The following LPP variants were observed in gnomAD, a reference collection of about 807,000 sequenced individuals.
The protein encoded by LPP is lipoma-preferred partner.
LPP carries 38 observed loss-of-function variants against 60.4 expected under a neutral mutation model. The ratio of observed to expected loss-of-function variants is 0.63; its 90% CI spans 0.49 to 0.83. The LOEUF (loss-of-function observed/expected upper bound fraction) is 0.83. Among genes scored for constraint, LPP ranks in the 40% least tolerant of loss-of-function variants. The pLI is 0.00. For missense variants in LPP, 902 were observed against 783.6 expected, an observed-to-expected ratio of 1.15 and a Z score of -1.80; for synonymous variants, 328 against 290.8, an observed-to-expected ratio of 1.13 and a Z score of -1.30.
Position 188,511,086 on chromosome 3 carries a change from G to GC in LPP, c.307-13573dup, listed in dbSNP as rs930148569. On this transcript the variant is annotated intron_variant, in intron 5 of 11. Coordinates refer to ENST00000617246, the MANE Select transcript of LPP (RefSeq NM_001375462.1). ...CCTTTCCTTTCTTTCTTCCCTCCCTGCCCCCCTCCCTCCCTCCCTCCTTCC... is the reference window on the plus strand; with the variant it reads ...CCTTTCCTTTCTTTCTTCCCTCCCTGCCCCCCCTCCCTCCCTCCCTCCTTCC... Among the ~76,000 whole-genome samples the GC allele has an allele frequency of 7.5e-3, 388 of 51,914 alleles. 4 individuals are homozygous for GC. The highest frequency in any genetic ancestry group is 0.03 in the African/African-American group (367 of 12,280). 34.1% of individuals were successfully genotyped at this position (51,914 alleles called of 152,430 possible). A position where few individuals can be genotyped will look rare whatever the true frequency, so the allele number is the denominator to read the frequency against.
chr3:188,697,146 T>C (rs1029102817), intron 7 of LPP, among the ~76,000 whole-genome samples: 3 of 152,224 alleles, frequency 2.0e-5, no homozygotes, highest in African/African-American at 4.8e-5. Context: ...TCGGTGTGTC[T>C]GTCAGAAGGT....
intron 9 of LPP, among the ~76,000 whole-genome samples, chr3:188,796,591 T>C (rs1289580654): frequency 6.6e-6 from 1 of 152,150 alleles, no homozygotes; most frequent in East Asian, 1.9e-4. Context: ...CTCCTCATCG[T>C]TTCCCAGAGC....
chr3:188,307,758 G>A (rs1428473005), intron 2 of LPP, among the ~76,000 whole-genome samples: 2 of 152,166 alleles, frequency 1.3e-5, no homozygotes, highest in Non-Finnish European at 2.9e-5. Context: ...TACATTCTTA[G>A]TCCTATGAGA....
intron 2 of LPP, among the ~76,000 whole-genome samples, chr3:188,294,114 T>G (rs1747019991): frequency 6.8e-6 from 1 of 148,110 alleles, no homozygotes; most frequent in South Asian, 2.1e-4. Context: ...TATTATATGA[T>G]TCCATTTATG....
intron 7 of LPP, among the ~76,000 whole-genome samples, chr3:188,654,637 C>T (rs539881083): frequency 6.6e-6 from 1 of 152,270 alleles, no homozygotes; most frequent in East Asian, 1.9e-4. Flanking sequence ...CTCCAAGAAA[C>T]TGCATGCTTA....
intron 2 of LPP, among the ~76,000 whole-genome samples, chr3:188,240,647 T>C (rs1724143708): frequency 6.6e-6 from 1 of 152,214 alleles, no homozygotes; most frequent in Admixed American, 6.5e-5. Flanking sequence ...TAAAAAAGCG[T>C]AATCATAACT....
chr3:188,357,160 TG>T (rs1431538815), intron 3 of LPP, among the ~76,000 whole-genome samples: 1 of 152,150 alleles, frequency 6.6e-6, no homozygotes, highest in East Asian at 1.9e-4. Flanking sequence ...AGAACAAAAA[TG>T]ATTAAGGGGC....
At chr3:188,691,215 C>T (rs187212797) in intron 7 of LPP, among the ~76,000 whole-genome samples, 119 of 152,172 alleles carry the variant, frequency 7.8e-4, no homozygotes, top group African/African-American at 2.9e-3. Flanking sequence ...GCTAAAAGTT[C>T]GAAAGTAGAG....
intron 9 of LPP, among the ~76,000 whole-genome samples, chr3:188,848,762 T>A (rs968304062): frequency 3.3e-5 from 5 of 152,126 alleles, no homozygotes; most frequent in African/African-American, 1.2e-4. Flanking sequence ...GGTCAAGAGA[T>A]CAAGACCATC....
chr3:188,531,148 A>G (rs1822080545), intron 6 of LPP, among the ~76,000 whole-genome samples: 1 of 152,184 alleles, frequency 6.6e-6, no homozygotes, highest in South Asian at 2.1e-4. Context: ...AGATTTAGTA[A>G]TTTGTGAATC....
intron 8 of LPP, among the ~76,000 whole-genome samples, chr3:188,753,634 T>C (rs1728891231): frequency 6.6e-6 from 1 of 151,810 alleles, no homozygotes; most frequent in African/African-American, 2.4e-5. Flanking sequence ...TTTGTTTTTT[T>C]TTACTTTACC....
chr3:188,436,318 A>T (rs1792286488), intron 4 of LPP, among the ~76,000 whole-genome samples: 1 of 152,172 alleles, frequency 6.6e-6, no homozygotes, highest in Admixed American at 6.5e-5. Context: ...CAGTTTTAGT[A>T]AATTTTATTT....
intron 3 of LPP, among the ~76,000 whole-genome samples, chr3:188,404,959 C>T (rs898694698): frequency 2.0e-5 from 3 of 152,190 alleles, no homozygotes; most frequent in Non-Finnish European, 2.9e-5. Context: ...CTTACCCTGA[C>T]AGAGGAGACA....
At chr3:188,789,346 T>C (rs1560206711) in intron 9 of LPP, among the ~76,000 whole-genome samples, 1 of 152,192 alleles carries the variant, frequency 6.6e-6, no homozygotes, top group Non-Finnish European at 1.5e-5. Flanking sequence ...GAAAGTACAC[T>C]GAACTGAAAA....
intron 9 of LPP, among the ~76,000 whole-genome samples, chr3:188,838,886 A>C (rs955450278): frequency 3.9e-5 from 6 of 152,146 alleles, no homozygotes; most frequent in Non-Finnish European, 8.8e-5. Flanking sequence ...GGAGAAGGAG[A>C]GGATTAGGAC....
intron 2 of LPP, among the ~76,000 whole-genome samples, chr3:188,242,486 C>G (rs981197226): frequency 5.3e-5 from 8 of 152,082 alleles, no homozygotes; most frequent in Admixed American, 4.6e-4. Flanking sequence ...GTCATAGCCA[C>G]CTGTGTGACT....
intron 7 of LPP, among the ~76,000 whole-genome samples, chr3:188,652,621 T>G (rs1852326442): frequency 6.6e-6 from 1 of 152,240 alleles, no homozygotes; most frequent in Admixed American, 6.5e-5. Flanking sequence ...CCAGAAAGTT[T>G]GACTTGAGGG....
chr3:188,621,874 G>A (rs940564329), intron 7 of LPP, among the ~76,000 whole-genome samples: 22 of 152,042 alleles, frequency 1.4e-4, no homozygotes, highest in African/African-American at 5.1e-4. Context: ...TAGCCAGGCT[G>A]GTCTCAAACT....
intron 7 of LPP, among the ~76,000 whole-genome samples, chr3:188,644,784 G>A (rs999117577): frequency 6.6e-6 from 1 of 152,112 alleles, no homozygotes; most frequent in Non-Finnish European, 1.5e-5. Flanking sequence ...TCAACAAAAG[G>A]GTGACCAGTT....
Sources: gnomAD v4.1 joint callset for allele counts (sites outside exome capture counted in the v4.1 genomes callset) on GRCh38, gnomAD v4.1.1 for gene constraint, MANE v1.5 for transcripts, NCBI Gene and HGNC (gene_info 2026-07-23, HGNC 2026-07-21) for gene names.